Variants in VWC2 observed in about 807,000 individuals in gnomAD.
VWC2 encodes brorin.
In VWC2, 14 loss-of-function variants were observed where a neutral mutation model predicts 29.8. That is an observed-to-expected ratio of 0.47 (90% CI 0.31 to 0.74). The LOEUF (loss-of-function observed/expected upper bound fraction) is 0.74. VWC2 is among the 30% of genes least tolerant of loss of function. VWC2 has a pLI of 0.05. For missense variants in VWC2, 457 were observed against 459.8 expected (o/e 0.99, Z 0.05); for synonymous variants, 213 against 199.0 (o/e 1.07, Z -0.59).
intron 3 of VWC2, among the ~76,000 whole-genome samples, chr7:49,842,978 G>A (rs1789834027): frequency 6.6e-6 from 1 of 151,986 alleles, no homozygotes; most frequent in South Asian, 2.1e-4. Context: ...TGAGGTTTGG[G>A]GTACAAGTGA....
rs1460223748 is a variant in VWC2, at chr7:49,921,356, A to T, written c.*9171A>T. The T allele has an allele frequency of 6.6e-6, 1 of 152,232 alleles. No homozygotes were observed. Among genetic ancestry groups the T allele is most frequent in the Non-Finnish European group, 1.5e-5 (1 of 68,042 alleles). The allele number at this position is 152,232 out of a possible 1,614,324, so 9.4% of individuals were successfully genotyped here. ...CTATAGAGACATAGTCTCTAGAAACAAAGGCCAGAGCATCCTTTTAACATT... is the reference window on the plus strand; with the variant it reads ...CTATAGAGACATAGTCTCTAGAAACTAAGGCCAGAGCATCCTTTTAACATT... On this transcript the variant is annotated 3_prime_UTR_variant, in exon 4 of 4. Coordinates refer to ENST00000340652, the MANE Select transcript of VWC2 (RefSeq NM_198570.5).
intron 3 of VWC2, among the ~76,000 whole-genome samples, chr7:49,861,122 A>G (rs1432070460): frequency 6.6e-6 from 1 of 152,206 alleles, no homozygotes; most frequent in African/African-American, 2.4e-5. Flanking sequence ...AAGGGTTTCA[A>G]TTTACAAGCA....
At chr7:49,836,657 TAAATA>T (rs949259627) in intron 3 of VWC2, among the ~76,000 whole-genome samples, 6 of 150,036 alleles carry the variant, frequency 4.0e-5, no homozygotes, top group African/African-American at 1.5e-4. Flanking sequence ...AATAAATAAA[TAAATA>T]AATAAATAAA....
intron 2 of VWC2, among the ~76,000 whole-genome samples, chr7:49,784,404 C>A (rs924258488): frequency 3.3e-5 from 5 of 152,238 alleles, no homozygotes; most frequent in Non-Finnish European, 5.9e-5. Flanking sequence ...GAGTTGGAAT[C>A]CATAGAGCAA....
intron 3 of VWC2, among the ~76,000 whole-genome samples, chr7:49,872,915 CAAAAAAAAAAAA>C (rs61473396): frequency 8.8e-5 from 3 of 33,946 alleles, no homozygotes; most frequent in Non-Finnish European, 1.1e-4. Context: ...GACTTTGTCT[CAAAAAAAAAAAA>C]AAAAAAAAAA....
At chr7:49,811,903 T>C (rs1266284401) in intron 3 of VWC2, among the ~76,000 whole-genome samples, 4 of 152,204 alleles carry the variant, frequency 2.6e-5, no homozygotes, top group African/African-American at 9.7e-5. Flanking sequence ...TTATTATTAA[T>C]GGCCAAAGAG....
At chr7:49,831,806 T>C (rs1789534610) in intron 3 of VWC2, among the ~76,000 whole-genome samples, 1 of 152,180 alleles carries the variant, frequency 6.6e-6, no homozygotes, top group African/African-American at 2.4e-5. Context: ...GAAGGATTTT[T>C]ACAATAATAA....
In VWC2 at chr7:49,775,607, C is replaced by T. The variant is rs985676418; in HGVS notation, c.172C>T (p.Arg58Trp). The change falls in exon 2 of 4, where the codon CGG becomes TGG. Residue 58 changes from arginine (R) to tryptophan (W), a missense_variant. Arg to Trp is a moderately radical substitution (Grantham distance 101). This residue lies in a region of VWC2 where 272 missense variants were observed against 202.7 expected (regional missense o/e 1.34). Coordinates refer to ENST00000340652, the MANE Select transcript of VWC2 (RefSeq NM_198570.5). ...REHASRDGPGRVNELGRPARD... is the reference protein window; with the variant it reads ...REHASRDGPGWVNELGRPARD... ...GCACGCCTCTCGGGACGGCCCGGGG[C>T]GGGTGAACGAGCTCGGGCGCCCGGC... 2.6e-6 allele frequency: 4 copies of T among 1,531,780 alleles called. No individual in the cohort carries two copies. The highest frequency in any genetic ancestry group is 5.0e-5 in the East Asian group (2 of 39,604). 94.9% of individuals were successfully genotyped at this position (1,531,780 alleles called of 1,614,324 possible).
chr7:49,787,704 G>C (rs911341620), intron 2 of VWC2, among the ~76,000 whole-genome samples: 1 of 152,196 alleles, frequency 6.6e-6, no homozygotes, highest in Non-Finnish European at 1.5e-5. Flanking sequence ...AAAAGAATAT[G>C]GCTTTTGACA....
intron 3 of VWC2, among the ~76,000 whole-genome samples, chr7:49,838,770 T>C (rs181172221): frequency 2.6e-5 from 4 of 152,326 alleles, no homozygotes; most frequent in Admixed American, 2.6e-4. Flanking sequence ...TTAACTTATA[T>C]TAAATCATTT....
In VWC2 at chr7:49,918,093, C is replaced by A. The variant is rs1177928721; in HGVS notation, c.*5908C>A. On this transcript the variant is annotated 3_prime_UTR_variant, in exon 4 of 4. Coordinates refer to ENST00000340652, the MANE Select transcript of VWC2 (RefSeq NM_198570.5). ...GCAGTCGGTGAATGTATATCATCGGCCAAAAGTTATGCTAGGTTTCCTTCA... is the reference window on the plus strand; with the variant it reads ...GCAGTCGGTGAATGTATATCATCGGACAAAAGTTATGCTAGGTTTCCTTCA... The A allele has an allele frequency of 6.6e-6, 1 of 152,128 alleles. No individual in the cohort carries two copies. Among genetic ancestry groups the A allele is most frequent in the African/African-American group, 2.4e-5 (1 of 41,422 alleles). The allele number at this position is 152,128 out of a possible 1,614,324, so 9.4% of individuals were successfully genotyped here.
intron 3 of VWC2, among the ~76,000 whole-genome samples, chr7:49,878,535 T>C (rs187350381): frequency 4.3e-4 from 65 of 152,286 alleles, no homozygotes; most frequent in Middle Eastern, 3.4e-3. Context: ...ATTTTTTCAC[T>C]GTCTCCTGAC....
intron 3 of VWC2, among the ~76,000 whole-genome samples, chr7:49,879,652 C>T (rs1426814918): frequency 6.6e-6 from 1 of 152,136 alleles, no homozygotes; most frequent in Non-Finnish European, 1.5e-5. Flanking sequence ...ACTGGAAGGC[C>T]TTGTACTGCA....
At chr7:49,823,955 A>G (rs1789330122) in intron 3 of VWC2, among the ~76,000 whole-genome samples, 1 of 150,278 alleles carries the variant, frequency 6.7e-6, no homozygotes, top group South Asian at 2.1e-4. Flanking sequence ...TTTTATTGTT[A>G]TTGTTATTCT....
chr7:49,775,536 A>T lies in VWC2; in HGVS notation c.101A>T (p.Glu34Val). The T allele has an allele frequency of 6.4e-7, 1 of 1,570,426 alleles. No individual in the cohort carries two copies. The highest frequency in any genetic ancestry group is 8.6e-7 in the Non-Finnish European group (1 of 1,162,242). ...CTGTGCAGTCCGAGCATCCCGCTGG[A>T]GAAGCTGGCCCAGGCACCAGAGCAG... is the stretch of plus-strand genomic sequence containing the variant. The part of the protein sequence containing the change: ...VALCSPSIPL[E>V]KLAQAPEQPG... The change falls in exon 2 of 4, where the codon GAG becomes GTG. Residue 34 changes from glutamate (E) to valine (V), a missense_variant. By Grantham distance (121) the Glu-to-Val change is moderately radical. Coordinates refer to ENST00000340652, the MANE Select transcript of VWC2 (RefSeq NM_198570.5).
intron 3 of VWC2, among the ~76,000 whole-genome samples, chr7:49,905,007 T>C (rs1793010412): frequency 6.6e-6 from 1 of 152,164 alleles, no homozygotes; most frequent in African/African-American, 2.4e-5. Flanking sequence ...GTGCTGGGAT[T>C]AGAGGTGTGA....
rs749658048 is a variant in VWC2, at chr7:49,775,402, C to CCCCG, written c.-19_-16dup. On this transcript the variant is annotated 5_prime_UTR_variant, in exon 2 of 4. It removes the in-frame stop codon of an upstream open reading frame in the 5' UTR. Coordinates refer to ENST00000340652, the MANE Select transcript of VWC2 (RefSeq NM_198570.5). Reference sequence around the variant, plus strand: ...ATGCGACTCGCCCCTCGGCCGCGCTCCCCGCCCGCCCGCCCGCCGGGACGT... The same window carrying CCCCG: ...ATGCGACTCGCCCCTCGGCCGCGCTCCCCGCCCGCCCGCCCGCCCGCCGGGACGT... 4.0e-5 allele frequency: 30 copies of CCCCG among 743,290 alleles called. No homozygotes were observed. The highest frequency in any genetic ancestry group is 3.7e-4 in the South Asian group (14 of 38,026). The allele number at this position is 743,290 out of a possible 1,614,324, so 46.0% of individuals were successfully genotyped here.
At chr7:49,794,182 T>C (rs554098382) in intron 2 of VWC2, among the ~76,000 whole-genome samples, 28 of 152,352 alleles carry the variant, frequency 1.8e-4, no homozygotes, top group Middle Eastern at 3.4e-3. Flanking sequence ...CCCATTTGCA[T>C]GCTAGCAAAT....
chr7:49,779,846 T>C (rs909365266), intron 2 of VWC2, among the ~76,000 whole-genome samples: 1 of 152,212 alleles, frequency 6.6e-6, no homozygotes, highest in African/African-American at 2.4e-5. Context: ...ATCTTCTTCC[T>C]GTGTTTTCTC....
Sources: gnomAD v4.1 joint callset for allele counts (sites outside exome capture counted in the v4.1 genomes callset) on GRCh38, gnomAD v4.1.1 for gene constraint, gnomAD v4.1.1 regional missense constraint, MANE v1.5 for transcripts, NCBI Gene and HGNC (gene_info 2026-07-23, HGNC 2026-07-21) for gene names.